The following LRRC4C variants were observed in gnomAD, a reference collection of about 807,000 sequenced individuals.
LRRC4C encodes the protein leucine-rich repeat-containing protein 4C.
In LRRC4C, 5 loss-of-function variants were observed where a neutral mutation model predicts 33.6. The observed-to-expected ratio is 0.15, with a 90% CI of 0.08 to 0.31. The LOEUF (loss-of-function observed/expected upper bound fraction) is 0.31. Ranked by LOEUF, LRRC4C falls within the 10% of genes least tolerant of loss-of-function variation. The pLI, the probability that LRRC4C is intolerant of heterozygous loss-of-function variation, is 1.00. For missense variants in LRRC4C, 560 were observed against 796.7 expected, an observed-to-expected ratio of 0.70 and a Z score of 3.58; for synonymous variants, 329 against 302.0, an observed-to-expected ratio of 1.09 and a Z score of -0.93.
chr11:40,405,877 A>G (rs1949947174), intron 3 of LRRC4C, among the ~76,000 whole-genome samples: 1 of 151,824 alleles, frequency 6.6e-6, no homozygotes. Context: ...AGGAACCACA[A>G]GAGAGAAGGA....
intron 2 of LRRC4C, among the ~76,000 whole-genome samples, chr11:40,676,281 T>C (rs1944395601): frequency 6.6e-6 from 1 of 152,184 alleles, no homozygotes; most frequent in African/African-American, 2.4e-5. Context: ...CTTCATGCCT[T>C]TCTGGGTTCT....
At chr11:40,868,841 A>G (rs1027120953) in intron 2 of LRRC4C, among the ~76,000 whole-genome samples, 15 of 152,182 alleles carry the variant, frequency 9.9e-5, no homozygotes, top group African/African-American at 2.2e-4. Context: ...TTTCTGGGCT[A>G]TCATGTCCCC....
At chr11:40,996,512 A>T (rs1469607340) in intron 1 of LRRC4C, among the ~76,000 whole-genome samples, 1 of 152,206 alleles carries the variant, frequency 6.6e-6, no homozygotes, top group African/African-American at 2.4e-5. Flanking sequence ...TCTGACAAAC[A>T]AAAGATAATT....
chr11:40,900,063 GCTTT>G (rs1317015075), intron 2 of LRRC4C, among the ~76,000 whole-genome samples: 4 of 152,038 alleles, frequency 2.6e-5, no homozygotes, highest in African/African-American at 9.6e-5. Flanking sequence ...GAAATGCTGA[GCTTT>G]CTATTTGTTT....
chr11:40,654,482 T>G (rs2136170977), intron 2 of LRRC4C, among the ~76,000 whole-genome samples: 1 of 152,338 alleles, frequency 6.6e-6, no homozygotes, highest in East Asian at 1.9e-4. Flanking sequence ...TGTTGGATTT[T>G]GGACTTGCAT....
intron 3 of LRRC4C, among the ~76,000 whole-genome samples, chr11:40,474,280 C>G (rs1229142048): frequency 6.6e-6 from 1 of 152,104 alleles, no homozygotes; most frequent in Non-Finnish European, 1.5e-5. Context: ...TAATGCCACA[C>G]ATCTACAACC....
chr11:40,680,511 T>C (rs537879684), intron 2 of LRRC4C, among the ~76,000 whole-genome samples: 6 of 152,166 alleles, frequency 3.9e-5, no homozygotes, highest in African/African-American at 7.2e-5. Flanking sequence ...CAGTGGGAGA[T>C]GATTGAATCT....
chr11:40,852,579 T>A lies in LRRC4C; in HGVS notation c.-407+81056A>T, dbSNP rs1001848879. ...TGTTTTAAATGGTGTGTGTTAACAT[T>A]TTAACATTTATATCTGATCTGACTG... On this transcript the variant is annotated intron_variant, in intron 2 of 6. Coordinates refer to ENST00000528697, the MANE Select transcript of LRRC4C (RefSeq NM_001258419.2). Among the ~76,000 whole-genome samples, 8 of 152,170 alleles carry A rather than the reference T, an allele frequency of 5.3e-5. No individual in the cohort carries two copies. The East Asian group carries it at 1.5e-3, about 29-fold the overall frequency.
chr11:40,574,141 T>G (rs1958088598), intron 3 of LRRC4C, among the ~76,000 whole-genome samples: 2 of 152,192 alleles, frequency 1.3e-5, no homozygotes. Context: ...TCTAGAGAAA[T>G]GTATTTCAAT....
In LRRC4C at chr11:41,352,016, C is replaced by T. The variant is rs557004102; in HGVS notation, c.-496+107415G>A. Among the ~76,000 whole-genome samples the T allele has an allele frequency of 3.3e-5, 5 of 152,158 alleles. No homozygotes were observed. The South Asian group carries it at 1.0e-3, about 32-fold the overall frequency. ...AACAACACAATGATGTGATAAAATCCTCAGATACCCACAATAACCTTAAAT... is the reference window on the plus strand; with the variant it reads ...AACAACACAATGATGTGATAAAATCTTCAGATACCCACAATAACCTTAAAT... On this transcript the variant is annotated intron_variant, in intron 1 of 6. Coordinates refer to ENST00000528697, the MANE Select transcript of LRRC4C (RefSeq NM_001258419.2).
intron 3 of LRRC4C, among the ~76,000 whole-genome samples, chr11:40,480,720 T>A (rs1953513205): frequency 6.6e-6 from 1 of 152,118 alleles, no homozygotes; most frequent in Non-Finnish European, 1.5e-5. Context: ...ATATACACAT[T>A]AGAATATATA....
chr11:41,320,197 A>G (rs995361134), intron 1 of LRRC4C, among the ~76,000 whole-genome samples: 43 of 152,218 alleles, frequency 2.8e-4, no homozygotes, highest in Non-Finnish European at 4.0e-4. Context: ...CAACTCTGCA[A>G]CTTTAAATAG....
intron 6 of LRRC4C, among the ~76,000 whole-genome samples, chr11:40,133,613 T>C (rs550917869): frequency 5.9e-5 from 9 of 152,310 alleles, no homozygotes; most frequent in South Asian, 2.1e-4. Flanking sequence ...CTTGCCATCA[T>C]TGATCATTTG....
chr11:41,212,016 C>T (rs914031811), intron 1 of LRRC4C, among the ~76,000 whole-genome samples: 6 of 151,984 alleles, frequency 3.9e-5, no homozygotes, highest in African/African-American at 1.2e-4. Context: ...TTTTAATGAT[C>T]GAGGCCAACT....
At chr11:40,419,077 C>T (rs957048605) in intron 3 of LRRC4C, among the ~76,000 whole-genome samples, 3 of 151,954 alleles carry the variant, frequency 2.0e-5, no homozygotes, top group African/African-American at 7.3e-5. Flanking sequence ...ACATGGCACA[C>T]ATTTACCTAT....
chr11:40,483,275 C>T (rs1467084458), intron 3 of LRRC4C, among the ~76,000 whole-genome samples: 1 of 152,100 alleles, frequency 6.6e-6, no homozygotes, highest in East Asian at 1.9e-4. Context: ...ACCCCTTGAG[C>T]TGGTGAAAGT....
chr11:41,208,411 C>T (rs1352659762), intron 1 of LRRC4C, among the ~76,000 whole-genome samples: 1 of 152,134 alleles, frequency 6.6e-6, no homozygotes, highest in Non-Finnish European at 1.5e-5. Flanking sequence ...AATTCTCTGC[C>T]TGTGCATGTT....
chr11:40,206,153 A>C (rs1863129925), intron 5 of LRRC4C, among the ~76,000 whole-genome samples: 1 of 152,200 alleles, frequency 6.6e-6, no homozygotes, highest in Non-Finnish European at 1.5e-5. Context: ...AAATATAAAG[A>C]TATAAAAATT....
At chr11:40,737,452 T>C (rs1947931252) in intron 2 of LRRC4C, among the ~76,000 whole-genome samples, 1 of 152,138 alleles carries the variant, frequency 6.6e-6, no homozygotes, top group Admixed American at 6.6e-5. Context: ...GATGACATGA[T>C]TGTATATTTA....
Sources: allele counts gnomAD v4.1 joint callset (sites outside exome capture counted in the v4.1 genomes callset), GRCh38; gene constraint gnomAD v4.1.1; transcripts MANE v1.5; gene names NCBI Gene and HGNC (gene_info 2026-07-23, HGNC 2026-07-21).